ACER1: variants seen among roughly 807,000 people sequenced by gnomAD.
The protein encoded by ACER1 is alkaline ceramidase 1, also known as CTB-180A7.3.
A neutral mutation model predicts 24.9 loss-of-function variants in ACER1; 28 were observed. The observed-to-expected ratio is 1.13, with a 90% CI of 0.83 to 1.54. The LOEUF (loss-of-function observed/expected upper bound fraction) is 1.54, where lower values mean the gene tolerates loss of function less well. Among genes scored for constraint, ACER1 ranks in the 40% most tolerant of loss-of-function variants. ACER1 has a pLI of 0.00. For synonymous variants in ACER1, 132 were observed against 131.4 expected, an observed-to-expected ratio of 1.00 and a Z score of -0.03; for missense variants, 352 against 349.3, an observed-to-expected ratio of 1.01 and a Z score of -0.06.
chr19:6,313,933 A>G lies in ACER1; in HGVS notation c.94-1434T>C, dbSNP rs141415023. 7.4e-3 allele frequency among the ~76,000 whole-genome samples: 1,130 copies of G among 152,182 alleles called. 3 individuals are homozygous for G. The highest frequency in any genetic ancestry group is 0.012 in the Non-Finnish European group (809 of 68,008). ...ATGCCAGAGGAGGGCCAGTGGTTCA[A>G]TTCTTCCCTATACAGTCATCAGACA... On this transcript the variant is annotated intron_variant, in intron 1 of 5. Coordinates refer to ENST00000301452, the MANE Select transcript of ACER1 (RefSeq NM_133492.3).
Position 6,306,657 on chromosome 19 carries a change from C to T in ACER1, c.*57G>A. ...AGGTGCAAGTCCTGACCGGGGCTAT[C>T]TTCTCAAGACACAGGCAAGTTGTTG... On this transcript the variant is annotated 3_prime_UTR_variant, in exon 6 of 6. Transcript: ENST00000301452. 2 of 1,548,814 alleles carry T rather than the reference C, an allele frequency of 1.3e-6. No individual in the cohort carries two copies. Among genetic ancestry groups the T allele is most frequent in the Non-Finnish European group, 1.8e-6 (2 of 1,142,732 alleles).
At chr19:6,319,490 C>G (rs1331497911) in intron 1 of ACER1, among the ~76,000 whole-genome samples, 1 of 151,806 alleles carries the variant, frequency 6.6e-6, no homozygotes, top group African/African-American at 2.4e-5. Context: ...ACATCACCTC[C>G]CTCCCTTCCT....
intron 1 of ACER1, among the ~76,000 whole-genome samples, chr19:6,328,004 A>G (rs1306765782): frequency 1.3e-5 from 2 of 151,444 alleles, no homozygotes; most frequent in Non-Finnish European, 2.9e-5. Context: ...TGAACCTGGG[A>G]GGCAGAGGTT....
chr19:6,337,661 CT>C (rs1192304687), upstream of ACER1, among the ~76,000 whole-genome samples: 114 of 25,898 alleles, frequency 4.4e-3, no homozygotes, highest in African/African-American at 7.8e-3. Context: ...TTCTTTCTTT[CT>C]TTTTTTTTTT....
chr19:6,338,637 G>A, the ACER1 span, among the ~76,000 whole-genome samples: 1 of 152,058 alleles, frequency 6.6e-6, no homozygotes, highest in African/African-American at 2.4e-5. Context: ...TGCCAGGCTT[G>A]AGTGCAGTGG....
chr19:6,355,672 G>A, the ACER1 span, among the ~76,000 whole-genome samples: 7 of 145,860 alleles, frequency 4.8e-5, no homozygotes, highest in African/African-American at 1.8e-4. Flanking sequence ...GAGGTGAGGG[G>A]CGCCTCTGCC....
chr19:6,351,261 G>C, the ACER1 span, among the ~76,000 whole-genome samples: 1 of 152,060 alleles, frequency 6.6e-6, no homozygotes, highest in Non-Finnish European at 1.5e-5. Context: ...AGCTACGCAG[G>C]AGTCTGAGGC....
At chr19:6,309,601 T>A in intron 4 of ACER1, 96 bp downstream of exon 4, 1 of 1,500,078 alleles carries the variant, frequency 6.7e-7, no homozygotes, top group Non-Finnish European at 9.2e-7. Flanking sequence ...TAGTGGGTGA[T>A]CTTGGAGAAG....
In ACER1 at chr19:6,329,770, G is replaced by A. The variant is rs1458091688; in HGVS notation, c.93+3689C>T. ...GCCCAGGCCGGAATACGGTGGTGCAGTAACAGGTTACTGCAGCTTCAAACT... is the reference window on the plus strand; with the variant it reads ...GCCCAGGCCGGAATACGGTGGTGCAATAACAGGTTACTGCAGCTTCAAACT... On this transcript the variant is annotated intron_variant, in intron 1 of 5. Transcript: ENST00000301452. Among the ~76,000 whole-genome samples the A allele has an allele frequency of 5.9e-5, 9 of 152,170 alleles. No homozygotes were observed. In the East Asian group the frequency reaches 1.7e-3, roughly 29 times the overall value.
At chr19:6,352,164 G>A in the ACER1 span, among the ~76,000 whole-genome samples, 2 of 151,872 alleles carry the variant, frequency 1.3e-5, no homozygotes, top group Admixed American at 6.6e-5. Flanking sequence ...AGAGACAGCC[G>A]CCATCACTTT....
chr19:6,310,372 T>C (rs2091573127), intron 3 of ACER1, among the ~76,000 whole-genome samples: 2 of 151,844 alleles, frequency 1.3e-5, no homozygotes, highest in Non-Finnish European at 2.9e-5. Flanking sequence ...CCGGCATGAG[T>C]CACTGCGCCT....
chr19:6,336,364 C>T (rs751113883), upstream of ACER1, among the ~76,000 whole-genome samples: 7 of 152,158 alleles, frequency 4.6e-5, no homozygotes, highest in Non-Finnish European at 1.0e-4. Context: ...AGTTAAGGAA[C>T]TTACCATAGG....
chr19:6,349,174 A>AAGG, the ACER1 span, among the ~76,000 whole-genome samples: 51 of 149,144 alleles, frequency 3.4e-4, no homozygotes, highest in Non-Finnish European at 5.2e-4. Context: ...GAAGAAGAAG[A>AAGG]AGGAGGAGGA....
the ACER1 span, among the ~76,000 whole-genome samples, chr19:6,344,253 A>C: frequency 6.6e-6 from 1 of 151,646 alleles, no homozygotes; most frequent in African/African-American, 2.4e-5. Flanking sequence ...TGGGCGACAG[A>C]GCGAGACTCC....
the ACER1 span, among the ~76,000 whole-genome samples, chr19:6,340,987 T>C: frequency 3.3e-5 from 5 of 152,176 alleles, no homozygotes; most frequent in African/African-American, 9.6e-5. Context: ...GCTGTGTTCC[T>C]GGTGGAGGCT....
chr19:6,308,591 T>C (rs548656495), intron 4 of ACER1, among the ~76,000 whole-genome samples: 1 of 152,324 alleles, frequency 6.6e-6, no homozygotes, highest in African/African-American at 2.4e-5. Context: ...TTTTTCTGAC[T>C]GCATAGTATT....
chr19:6,341,385 A>G, the ACER1 span, among the ~76,000 whole-genome samples: 17 of 151,238 alleles, frequency 1.1e-4, no homozygotes, highest in African/African-American at 4.1e-4. Flanking sequence ...AAAGTTAGCC[A>G]GTGGGGGTAC....
At chr19:6,345,895 A>T in the ACER1 span, among the ~76,000 whole-genome samples, 82 of 150,484 alleles carry the variant, frequency 5.4e-4, no homozygotes, top group Middle Eastern at 3.5e-3. Context: ...TAATAATAAT[A>T]ATAATTATTA....
chr19:6,333,654 C>G, upstream of ACER1: 6 of 977,102 alleles, frequency 6.1e-6, no homozygotes, highest in Non-Finnish European at 8.9e-6. Context: ...CCCGGTGCCC[C>G]GCGGCAGGCA....
Sources: gnomAD v4.1 joint callset for allele counts (sites outside exome capture counted in the v4.1 genomes callset) on GRCh38, gnomAD v4.1.1 for gene constraint, MANE v1.5 for transcripts, NCBI Gene and HGNC (gene_info 2026-07-23, HGNC 2026-07-21) for gene names.